Variants in TMEM232 observed in about 807,000 individuals in gnomAD.
TMEM232 encodes the protein transmembrane protein 232.
Under a neutral mutation model 78.8 loss-of-function variants are expected in TMEM232, and 80 were observed. The observed-to-expected ratio is 1.01, with a 90% confidence interval of 0.85 to 1.22. TMEM232 has a LOEUF of 1.22. Among genes scored for constraint, TMEM232 ranks in the 50% most tolerant of loss-of-function variants. The pLI is 0.00. For synonymous variants in TMEM232, 297 were observed against 254.3 expected (o/e 1.17, Z -1.60); for missense variants, 881 against 742.2 (o/e 1.19, Z -2.17).
At chr5:110,543,783 C>G (rs1368195946) in intron 11 of TMEM232, among the ~76,000 whole-genome samples, 1 of 152,106 alleles carries the variant, frequency 6.6e-6, no homozygotes, top group African/African-American at 2.4e-5. Context: ...TCTACCTAAC[C>G]TCTGCCATGC....
In TMEM232 at chr5:110,627,859, G is replaced by C. The variant is rs754173049; in HGVS notation, c.523C>G (p.Arg175Gly). 6 of 1,530,520 alleles carry C rather than the reference G, an allele frequency of 3.9e-6. No homozygotes were observed. The highest frequency in any genetic ancestry group is 4.4e-6 in the Non-Finnish European group (5 of 1,141,158). 94.8% of individuals were successfully genotyped at this position (1,530,520 alleles called of 1,614,324 possible). Reference sequence around the variant, plus strand: ...CCATGCAGGAAAAATATAAAAAGTCGTAAGAAGACCAAATAGCCAATCTGT... The same window carrying C: ...CCATGCAGGAAAAATATAAAAAGTCCTAAGAAGACCAAATAGCCAATCTGT... The part of the protein sequence containing the change: ...LAKIGYLVFL[R>G]LFIFFLHGHL... The change falls in exon 6 of 14, where the codon CGA (arginine) becomes GGA (glycine). Residue 175 changes from arginine to glycine, a missense_variant. Coordinates refer to ENST00000455884, the MANE Select transcript of TMEM232 (RefSeq NM_001039763.4).
intron 10 of TMEM232, among the ~76,000 whole-genome samples, chr5:110,573,876 A>G (rs1460865427): frequency 2.0e-5 from 3 of 152,082 alleles, no homozygotes; most frequent in East Asian, 1.9e-4. Context: ...GAAAATACAG[A>G]ACGAATGTAT....
chr5:110,655,587 T>C (rs1196357038), intron 2 of TMEM232, among the ~76,000 whole-genome samples: 3 of 146,334 alleles, frequency 2.1e-5, no homozygotes, highest in Non-Finnish European at 4.5e-5. Flanking sequence ...AATCATGCTG[T>C]TATAAAGACA....
At chr5:110,688,240 T>G (rs760032802) in intron 1 of TMEM232, among the ~76,000 whole-genome samples, 1 of 152,150 alleles carries the variant, frequency 6.6e-6, no homozygotes, top group Admixed American at 6.6e-5. Flanking sequence ...CATAGAGACA[T>G]AGGTAGTTGG....
chr5:110,390,067 C>G (rs1242007072), intron 4 of TMEM232, among the ~76,000 whole-genome samples: 1 of 152,096 alleles, frequency 6.6e-6, no homozygotes, highest in East Asian at 1.9e-4. Flanking sequence ...TGGGGTATAC[C>G]AGGAAATAAA....
intron 10 of TMEM232, among the ~76,000 whole-genome samples, chr5:110,596,017 A>C (rs1192749135): frequency 1.3e-5 from 2 of 152,216 alleles, no homozygotes; most frequent in Admixed American, 6.5e-5. Context: ...TGTTAAGGGC[A>C]GCCAGAGAGA....
chr5:110,512,328 C>T (rs990906951), intron 12 of TMEM232, among the ~76,000 whole-genome samples: 3 of 152,098 alleles, frequency 2.0e-5, no homozygotes, highest in Non-Finnish European at 4.4e-5. Context: ...GTGCAAAGTT[C>T]CAAATAACTT....
rs150505527 is a variant in TMEM232, at chr5:110,624,595, C to T, written c.768+672G>A. Among the ~76,000 whole-genome samples the T allele has an allele frequency of 9.9e-5, 15 of 152,150 alleles. No individual in the cohort carries two copies. In the East Asian group the frequency reaches 2.3e-3, roughly 24 times the overall value. On this transcript the variant is annotated intron_variant, in intron 7 of 13. Coordinates refer to ENST00000455884, the MANE Select transcript of TMEM232 (RefSeq NM_001039763.4). ...CCTTTCTCACATGAGGTAATTTGTG[C>T]TCATTAGTAATTATAACCAGAAGGC...
At chr5:110,478,290 AGAT>A (rs1418142120) in intron 12 of TMEM232, among the ~76,000 whole-genome samples, 16 of 152,094 alleles carry the variant, frequency 1.1e-4, no homozygotes, top group African/African-American at 3.6e-4. Context: ...ACCTTAAGCC[AGAT>A]AATAACCATA....
chr5:110,399,423 C>G (rs1580553822), intron 2 of TMEM232, among the ~76,000 whole-genome samples: 1 of 152,218 alleles, frequency 6.6e-6, no homozygotes, highest in African/African-American at 2.4e-5. Context: ...AAACTTTTAA[C>G]CCAGAGAAAA....
At chr5:110,661,402 C>A (rs1465928472) in intron 2 of TMEM232, among the ~76,000 whole-genome samples, 1 of 131,896 alleles carries the variant, frequency 7.6e-6, no homozygotes, top group Non-Finnish European at 1.5e-5. Flanking sequence ...ATCTCTACCT[C>A]TAGGTCTCAA....
chr5:110,425,825 A>G (rs569381536), intron 12 of TMEM232, among the ~76,000 whole-genome samples: 2 of 152,212 alleles, frequency 1.3e-5, no homozygotes, highest in East Asian at 3.9e-4. Flanking sequence ...GTCTCTATAC[A>G]GTAGCCAGAA....
chr5:110,629,513 T>C (rs1188290610), intron 5 of TMEM232, among the ~76,000 whole-genome samples: 1 of 152,136 alleles, frequency 6.6e-6, no homozygotes, highest in Non-Finnish European at 1.5e-5. Flanking sequence ...TTTGTGTACA[T>C]ATTCTCTTTG....
intron 12 of TMEM232, among the ~76,000 whole-genome samples, chr5:110,444,831 A>G (rs886448017): frequency 1.4e-4 from 21 of 151,912 alleles, no homozygotes; most frequent in Admixed American, 1.4e-3. Flanking sequence ...TTTGCTTCTT[A>G]TTTTTTCTGA....
chr5:110,477,401 G>A (rs1424659912), intron 12 of TMEM232, among the ~76,000 whole-genome samples: 1 of 151,804 alleles, frequency 6.6e-6, no homozygotes, highest in Admixed American at 6.6e-5. Flanking sequence ...ATCTAGTTTT[G>A]TAAATGCCTT....
intron 12 of TMEM232, among the ~76,000 whole-genome samples, chr5:110,447,190 C>T (rs969287345): frequency 6.6e-6 from 1 of 151,354 alleles, no homozygotes; most frequent in African/African-American, 2.4e-5. Flanking sequence ...GCAGGTCACA[C>T]AAAATGATTT....
intron 10 of TMEM232, among the ~76,000 whole-genome samples, chr5:110,597,314 A>T (rs1780295781): frequency 6.6e-6 from 1 of 152,192 alleles, no homozygotes; most frequent in African/African-American, 2.4e-5. Flanking sequence ...AAGGGACGTG[A>T]AGGACCTCTT....
chr5:110,691,284 G>C (rs1794091541), intron 1 of TMEM232, among the ~76,000 whole-genome samples: 1 of 152,082 alleles, frequency 6.6e-6, no homozygotes. Context: ...ATCACAATGA[G>C]CTGATACTGA....
At chr5:110,704,422 T>A (rs769753766) in intron 1 of TMEM232, among the ~76,000 whole-genome samples, 2 of 152,090 alleles carry the variant, frequency 1.3e-5, no homozygotes, top group Non-Finnish European at 2.9e-5. Context: ...CCTTCAAGGA[T>A]GGAAAGTAGA....
Sources: allele counts gnomAD v4.1 joint callset (sites outside exome capture counted in the v4.1 genomes callset), GRCh38; gene constraint gnomAD v4.1.1; transcripts MANE v1.5; gene names NCBI Gene and HGNC (gene_info 2026-07-23, HGNC 2026-07-21).